The following NAV2 variants were observed in gnomAD, a reference collection of about 807,000 sequenced individuals.
The protein encoded by NAV2 is helicase, APC down-regulated 1.
A neutral mutation model predicts 223.2 loss-of-function variants in NAV2; 54 were observed. The ratio of observed to expected loss-of-function variants is 0.24; its 90% CI spans 0.19 to 0.30. The LOEUF (loss-of-function observed/expected upper bound fraction) is 0.30. Ranked by LOEUF, NAV2 falls within the 10% of genes least tolerant of loss-of-function variation. The pLI is 1.00. For synonymous variants in NAV2, 1,279 were observed against 1,239.3 expected, an observed-to-expected ratio of 1.03 and a Z score of -0.67; for missense variants, 2,806 against 3,147.5, an observed-to-expected ratio of 0.89 and a Z score of 2.60.
At chr11:19,349,769 T>G (rs1564867361), upstream of NAV2, among the ~76,000 whole-genome samples, 1 of 152,130 alleles carries the variant, frequency 6.6e-6, no homozygotes. Context: ...GTACCAAGTG[T>G]GAATATTTTT....
intron 4 of NAV2, 56 bp from the exon 5 acceptor site, chr11:19,879,813 C>A: frequency 1.2e-6 from 2 of 1,605,878 alleles, no homozygotes; most frequent in South Asian, 1.1e-5. Flanking sequence ...TGAAACAGCC[C>A]ATTGAACAGG....
intron 22 of NAV2, among the ~76,000 whole-genome samples, chr11:20,071,466 G>A (rs1193417282): frequency 2.0e-5 from 3 of 152,114 alleles, no homozygotes; most frequent in African/African-American, 7.2e-5. Context: ...AATCCTTTGG[G>A]GGTATATACC....
Position 19,848,704 on chromosome 11 carries a change from A to C in NAV2, c.438+5781A>C, listed in dbSNP as rs564363500. On this transcript the variant is annotated intron_variant, in intron 3 of 37. Coordinates refer to ENST00000349880, the MANE Select transcript of NAV2 (RefSeq NM_145117.5). ...TGCTGGCCACAGAGTTGCTGGCCTC[A>C]GTAGATGTTAGCTCTTTTGATGATT... is the stretch of plus-strand genomic sequence containing the variant. 2.2e-4 allele frequency among the ~76,000 whole-genome samples: 33 copies of C among 152,354 alleles called. No individual in the cohort carries two copies. In the South Asian group the frequency reaches 6.8e-3, roughly 32 times the overall value.
intron 14 of NAV2, among the ~76,000 whole-genome samples, chr11:20,046,359 G>C (rs2057427455): frequency 6.6e-6 from 1 of 151,580 alleles, no homozygotes; most frequent in Non-Finnish European, 1.5e-5. Context: ...AAAGAAGTTA[G>C]CTACCATCCA....
chr11:19,346,234 ATG>A (rs1362984055), upstream of NAV2, among the ~76,000 whole-genome samples: 11 of 151,740 alleles, frequency 7.2e-5, no homozygotes, highest in African/African-American at 2.7e-4. Flanking sequence ...GTAAGTCTGT[ATG>A]TGTGTCTGTC....
At chr11:19,803,914 C>T (rs1389221859) in intron 1 of NAV2, among the ~76,000 whole-genome samples, 4 of 152,190 alleles carry the variant, frequency 2.6e-5, no homozygotes, top group African/African-American at 9.7e-5. Flanking sequence ...CAAACATGGC[C>T]CTTGTCTAGG....
intron 11 of NAV2, among the ~76,000 whole-genome samples, chr11:20,017,308 A>C (rs559508555): frequency 6.6e-5 from 10 of 152,252 alleles, no homozygotes; most frequent in African/African-American, 2.4e-4. Flanking sequence ...CAGCACACCC[A>C]GCCTCTCCCT....
At chr11:19,573,045 G>C (rs1354650770) in intron 1 of NAV2, among the ~76,000 whole-genome samples, 2 of 152,156 alleles carry the variant, frequency 1.3e-5, no homozygotes, top group African/African-American at 4.8e-5. Flanking sequence ...GAAATGCTTT[G>C]TCTTTGAAAT....
At chr11:19,583,763 G>A (rs2045799852) in intron 1 of NAV2, among the ~76,000 whole-genome samples, 1 of 152,192 alleles carries the variant, frequency 6.6e-6, no homozygotes, top group Admixed American at 6.5e-5. Context: ...TTGATGTGCT[G>A]CTGGATTCGG....
chr11:19,958,186 C>G (rs1486461863), intron 10 of NAV2, among the ~76,000 whole-genome samples: 1 of 152,206 alleles, frequency 6.6e-6, no homozygotes, highest in Non-Finnish European at 1.5e-5. Context: ...AGCACAGGGT[C>G]TTCTGGCCTT....
At chr11:19,589,913 C>T (rs776310491) in intron 1 of NAV2, among the ~76,000 whole-genome samples, 12 of 152,112 alleles carry the variant, frequency 7.9e-5, no homozygotes, top group Admixed American at 1.3e-4. Flanking sequence ...GCACAGGAGG[C>T]GGGATTCCAG....
At chr11:19,926,994 G>A (rs2044815275) in intron 6 of NAV2, among the ~76,000 whole-genome samples, 1 of 152,188 alleles carries the variant, frequency 6.6e-6, no homozygotes, top group Non-Finnish European at 1.5e-5. Flanking sequence ...TTATTTATCT[G>A]CTTTAAACAG....
At chr11:19,610,771 T>G (rs535873445) in intron 1 of NAV2, among the ~76,000 whole-genome samples, 1 of 151,738 alleles carries the variant, frequency 6.6e-6, no homozygotes, top group East Asian at 1.9e-4. Flanking sequence ...GGTGGATGGA[T>G]AAGTGGATGG....
At chr11:19,402,255 T>C (rs1184128000) in intron 1 of NAV2, among the ~76,000 whole-genome samples, 1 of 152,214 alleles carries the variant, frequency 6.6e-6, no homozygotes, top group African/African-American at 2.4e-5. Context: ...TGCTACTTAC[T>C]AGTGGCTTGA....
intron 1 of NAV2, among the ~76,000 whole-genome samples, chr11:19,767,089 G>C (rs61211213): frequency 0.15 from 23,562 of 152,140 alleles, 1,910 homozygotes; most frequent in African/African-American, 0.19. Flanking sequence ...GCAGGGACTG[G>C]ACCATCCTTG....
intron 1 of NAV2, among the ~76,000 whole-genome samples, chr11:19,646,395 G>C (rs532623246): frequency 6.6e-6 from 1 of 152,298 alleles, no homozygotes; most frequent in South Asian, 2.1e-4. Flanking sequence ...TGCACATCAG[G>C]CCTGTTTGAA....
chr11:20,007,297 T>C (rs780561102), intron 11 of NAV2, among the ~76,000 whole-genome samples: 7 of 152,232 alleles, frequency 4.6e-5, no homozygotes, highest in Non-Finnish European at 1.0e-4. Context: ...CATAGGACTT[T>C]CTGAAACAGA....
intron 3 of NAV2, among the ~76,000 whole-genome samples, chr11:19,857,500 T>A (rs1286673293): frequency 6.6e-6 from 1 of 152,222 alleles, no homozygotes; most frequent in Non-Finnish European, 1.5e-5. Context: ...TTTCTGCCCA[T>A]TGAATAGGAC....
At chr11:19,985,876 T>G (rs2050753161) in intron 11 of NAV2, among the ~76,000 whole-genome samples, 1 of 152,154 alleles carries the variant, frequency 6.6e-6, no homozygotes, top group African/African-American at 2.4e-5. Context: ...GCGCCCGGGC[T>G]GAGAACTGCT....
Sources: gnomAD v4.1 joint callset for allele counts (sites outside exome capture counted in the v4.1 genomes callset) on GRCh38, gnomAD v4.1.1 for gene constraint, MANE v1.5 for transcripts, NCBI Gene and HGNC (gene_info 2026-07-23, HGNC 2026-07-21) for gene names.